C1orf174: variants seen among roughly 807,000 people sequenced by gnomAD.
The protein encoded by C1orf174 is chromosome 1 open reading frame 174, also known as UPF0688 protein C1orf174.
C1orf174 carries 13 observed loss-of-function variants against 18.4 expected under a neutral mutation model. The observed-to-expected ratio is 0.71, with a 90% CI of 0.46 to 1.12. The LOEUF is 1.12. C1orf174 is among the 50% of genes most tolerant of loss of function. C1orf174 has a pLI of 0.00. For synonymous variants in C1orf174, 100 were observed against 118.3 expected (o/e 0.85, Z 1.01); for missense variants, 309 against 308.0 (o/e 1.00, Z -0.02).
chr1:3,900,122 C>T, intron 1 of C1orf174, 50 bp downstream of exon 1: 1 of 1,561,888 alleles, frequency 6.4e-7, no homozygotes. Context: ...GCAGGTGACC[C>T]AGAGTCCCCG....
In C1orf174 at chr1:3,896,046, G is replaced by A. The variant is rs12757243; in HGVS notation, c.16-3050C>T. On this transcript the variant is annotated intron_variant, in intron 1 of 3. Coordinates refer to ENST00000361605, the MANE Select transcript of C1orf174 (RefSeq NM_207356.3). ...CCTACATACATTTGGTAAGGACACG[G>A]AGAGTCTGTGGCACTTGAGCTCCAT... The A allele has an allele frequency of 8.4e-3, 1,284 of 152,780 alleles. 7 individuals carry two copies. Among genetic ancestry groups the A allele is most frequent in the Non-Finnish European group, 0.013 (904 of 68,056 alleles). The allele number at this position is 152,780 out of a possible 1,614,324, so 9.5% of individuals were successfully genotyped here. A position where few individuals can be genotyped will look rare whatever the true frequency, so the allele number is the denominator to read the frequency against.
rs557977427 is a variant in C1orf174, at chr1:3,890,626, G to A, written c.561C>T (p.Asp187=). 2.4e-5 allele frequency: 38 copies of A among 1,614,078 alleles called. No homozygotes were observed. Among genetic ancestry groups the A allele is most frequent in the Admixed American group, 2.3e-4 (14 of 60,002 alleles). Residue 187 remains aspartate (D), a synonymous_variant, in exon 3 of 4, where the codon GAC becomes GAT. Transcript: ENST00000361605. ...LQMDNSVFLD[D]DSNQPMPVSR... ...TCACGGGCATTGGCTGATTGCTGTC[G>A]TCATCTAGAAAGACGCTGTTGTCCA...
At chr1:3,891,793 G>A (rs1412373660) in intron 2 of C1orf174, 68 of 986,150 alleles carry the variant, frequency 6.9e-5, no homozygotes, top group Non-Finnish European at 8.1e-5. Flanking sequence ...AGAGCAGAGC[G>A]ATGAGCACAA....
intron 1 of C1orf174, among the ~76,000 whole-genome samples, chr1:3,894,450 AC>A (rs1180988001): frequency 6.6e-6 from 1 of 151,814 alleles, no homozygotes; most frequent in Non-Finnish European, 1.5e-5. Context: ...TACTAAAAAT[AC>A]AAAAAATTAG....
rs755692502 is a variant in C1orf174 at position 3,890,077 on chromosome 1, AGTG to A, written c.619-7_619-5del. ...ATGAAGACGCAGGTGGGAGGTCCTT[AGTG>A]GAGAAGAAAACATGACTTCAGTCAT... On this transcript the variant is annotated splice_region_variant and splice_polypyrimidine_tract_variant and intron_variant, in intron 3 of 3. Transcript: ENST00000361605. The A allele has an allele frequency of 4.0e-5, 64 of 1,611,874 alleles. No individual in the cohort carries two copies. The highest frequency in any genetic ancestry group is 5.3e-5 in the Non-Finnish European group (62 of 1,178,012).
rs747511541 is a variant in C1orf174 at position 3,890,745 on chromosome 1, AC to A, written c.441del (p.Ser148ProfsTer38). 1 of 1,613,742 alleles carries A rather than the reference AC, an allele frequency of 6.2e-7. No individual in the cohort carries two copies. Among genetic ancestry groups the A allele is most frequent in the Non-Finnish European group, 8.5e-7 (1 of 1,179,954 alleles). ...CTGCTGTTGGATTCTTCTGCTCCGG[AC>A]CCGGCACTGTGTTTTGGCACGGACA... ...DGLSVPKHSA[G>X]SGAEESNSSS... On this transcript the variant is annotated frameshift_variant, in exon 3 of 4. Transcript: ENST00000361605. LOFTEE classifies it high-confidence loss of function.
chr1:3,892,713 T>C, intron 2 of C1orf174, 170 bp downstream of exon 2: 6 of 1,453,590 alleles, frequency 4.1e-6, no homozygotes, highest in Non-Finnish European at 5.5e-6. Context: ...AGTGTGTCTT[T>C]CTCTGAAGGC....
rs779086179 is a variant in C1orf174 at position 3,892,914 on chromosome 1, G to C, written c.98C>G (p.Ala33Gly). 6.2e-7 allele frequency: 1 copy of C among 1,614,148 alleles called. No homozygotes were observed. The highest frequency in any genetic ancestry group is 8.5e-7 in the Non-Finnish European group (1 of 1,180,048). Residue 33 changes from alanine (A) to glycine (G), a missense_variant, in exon 2 of 4, where the codon GCT becomes GGT. Coordinates refer to ENST00000361605, the MANE Select transcript of C1orf174 (RefSeq NM_207356.3). ...AARLASAQEV[A>G]GSTSAKTACL... Reference sequence around the variant, plus strand: ...TGCTGTCTTGGCAGACGTGGAACCAGCAACTTCCTGGGCAGAGGCCAACCT... The same window carrying C: ...TGCTGTCTTGGCAGACGTGGAACCACCAACTTCCTGGGCAGAGGCCAACCT...
intron 2 of C1orf174, 178 bp downstream of exon 2, chr1:3,892,703 AGT>A: frequency 6.9e-7 from 1 of 1,445,734 alleles, no homozygotes; most frequent in Non-Finnish European, 9.1e-7. Flanking sequence ...TGGCCTGCAG[AGT>A]GTGTCTTTCT....
At chr1:3,898,578 A>C (rs995835484) in intron 1 of C1orf174, among the ~76,000 whole-genome samples, 3 of 152,124 alleles carry the variant, frequency 2.0e-5, no homozygotes, top group African/African-American at 7.2e-5. Context: ...AGAAACACTA[A>C]AAGAAGTTCA....
chr1:3,898,182 C>A (rs1339618376), intron 1 of C1orf174, among the ~76,000 whole-genome samples: 1 of 152,180 alleles, frequency 6.6e-6, no homozygotes, highest in Non-Finnish European at 1.5e-5. Flanking sequence ...CTCAAATAAA[C>A]TTGTCAACCA....
rs368258404 is a variant in C1orf174 at position 3,892,953 on chromosome 1, C to G, written c.59G>C (p.Ser20Thr). Residue 20 changes from serine (S) to threonine (T), a missense_variant, in exon 2 of 4, where the codon AGT (serine) becomes ACT (threonine). By Grantham distance (58) the Ser-to-Thr change is moderately conservative. Coordinates refer to ENST00000361605, the MANE Select transcript of C1orf174 (RefSeq NM_207356.3). ...AGAGGCCAACCTGGCTGCCGAACAA[C>G]TTCGTGCTTTCAAGCGCGCTGAAGA... ...VRSSARLKAR[S>T]CSAARLASAQ... is the part of the protein sequence containing the mutation. 1.2e-6 allele frequency: 2 copies of G among 1,614,088 alleles called. No individual in the cohort carries two copies. The highest frequency in any genetic ancestry group is 2.7e-5 in the African/African-American group (2 of 74,920).
chr1:3,889,934 C>G lies in C1orf174; in HGVS notation c.*26G>C. 4 of 1,552,624 alleles carry G rather than the reference C, an allele frequency of 2.6e-6. No individual in the cohort carries two copies. The South Asian group carries it at 4.5e-5, about 17-fold the overall frequency. ...GTCAAATTGTTAATGGTACTAAATACTCAAGGACATTATTTTGTATGGCCC... is the reference window on the plus strand; with the variant it reads ...GTCAAATTGTTAATGGTACTAAATAGTCAAGGACATTATTTTGTATGGCCC... On this transcript the variant is annotated 3_prime_UTR_variant, in exon 4 of 4. Transcript: ENST00000361605.
chr1:3,891,466 G>T, intron 2 of C1orf174: 2 of 406,456 alleles, frequency 4.9e-6, no homozygotes, highest in Non-Finnish European at 6.8e-6. Flanking sequence ...TCACCAATTA[G>T]TGCCTGGCAC....
rs1638553593 is a variant in C1orf174 at position 3,893,704 on chromosome 1, G to A, written c.16-708C>T. Among the ~76,000 whole-genome samples the A allele has an allele frequency of 3.3e-5, 5 of 152,256 alleles. No individual in the cohort carries two copies. In the South Asian group the frequency reaches 1.0e-3, roughly 32 times the overall value. On this transcript the variant is annotated intron_variant, in intron 1 of 3. Coordinates refer to ENST00000361605, the MANE Select transcript of C1orf174 (RefSeq NM_207356.3). ...GAGCCCAGGAGTTCAAGACCAGCCTGGGCAATACAGCGAAAGCCCATCTTT... is the reference window on the plus strand; with the variant it reads ...GAGCCCAGGAGTTCAAGACCAGCCTAGGCAATACAGCGAAAGCCCATCTTT...
chr1:3,894,612 A>T (rs1638572934), intron 1 of C1orf174, among the ~76,000 whole-genome samples: 1 of 151,620 alleles, frequency 6.6e-6, no homozygotes, highest in Admixed American at 6.6e-5. Flanking sequence ...GTCTCAAAAA[A>T]AAAAAAAAAA....
At chr1:3,897,383 A>ATTT (rs1460527930) in intron 1 of C1orf174, among the ~76,000 whole-genome samples, 1 of 152,228 alleles carries the variant, frequency 6.6e-6, no homozygotes, top group Admixed American at 6.5e-5. Flanking sequence ...CAAAACCTGA[A>ATTT]ATAACAAAAT....
Position 3,889,692 on chromosome 1 carries a change from T to C in C1orf174, c.*268A>G, listed in dbSNP as rs1387752176. Reference sequence around the variant, plus strand: ...CCTGGGCGACAAGAGAGAAACTCTGTCTCCAAGGAAAAAAAAAAAAAAAAA... The same window carrying C: ...CCTGGGCGACAAGAGAGAAACTCTGCCTCCAAGGAAAAAAAAAAAAAAAAA... On this transcript the variant is annotated 3_prime_UTR_variant, in exon 4 of 4. Coordinates refer to ENST00000361605, the MANE Select transcript of C1orf174 (RefSeq NM_207356.3). The C allele has an allele frequency of 7.2e-6, 2 of 279,178 alleles. No individual in the cohort carries two copies. The highest frequency in any genetic ancestry group is 5.5e-5 in the African/African-American group (2 of 36,638). The allele number at this position is 279,178 out of a possible 1,614,324, so 17.3% of individuals were successfully genotyped here.
chr1:3,890,560 C>T lies in C1orf174; in HGVS notation c.618+9G>A, dbSNP rs747790394. 17 of 1,612,952 alleles carry T rather than the reference C, an allele frequency of 1.1e-5. No individual in the cohort carries two copies. The highest frequency in any genetic ancestry group is 1.7e-4 in the Middle Eastern group (1 of 6,060). Reference sequence around the variant, plus strand: ...AGTACCCACGGGAGGAGGAAGGCGCCGCTCTTACCTGCATGAGCTCAACGT... The same window carrying T: ...AGTACCCACGGGAGGAGGAAGGCGCTGCTCTTACCTGCATGAGCTCAACGT... On this transcript the variant is annotated intron_variant, in intron 3 of 3. Transcript: ENST00000361605.
Sources: gnomAD v4.1 joint callset for allele counts (sites outside exome capture counted in the v4.1 genomes callset) on GRCh38, gnomAD v4.1.1 for gene constraint, MANE v1.5 for transcripts, NCBI Gene and HGNC (gene_info 2026-07-23, HGNC 2026-07-21) for gene names.